SLC22A14: variants seen among roughly 807,000 people sequenced by gnomAD.
SLC22A14 encodes the protein organic cation transporter-like 4.
Under a neutral mutation model 53.9 loss-of-function variants are expected in SLC22A14, and 50 were observed. That is an observed-to-expected ratio of 0.93 (90% confidence interval 0.74 to 1.17). The LOEUF (loss-of-function observed/expected upper bound fraction) is 1.17. Ranked by LOEUF, SLC22A14 falls within the 50% of genes most tolerant of loss-of-function variation. SLC22A14 has a pLI of 0.00. For synonymous variants in SLC22A14, 312 were observed against 303.0 expected, an observed-to-expected ratio of 1.03 and a Z score of -0.31; for missense variants, 671 against 734.7, an observed-to-expected ratio of 0.91 and a Z score of 1.00.
At chr3:38,293,782 C>T (rs1366682986) in intron 1 of SLC22A14, among the ~76,000 whole-genome samples, 3 of 152,206 alleles carry the variant, frequency 2.0e-5, no homozygotes, top group Non-Finnish European at 4.4e-5. Context: ...TGGGAACTGC[C>T]TGCTGGCCTG....
chr3:38,317,087 G>T (rs917035406), intron 10 of SLC22A14, among the ~76,000 whole-genome samples: 9 of 152,212 alleles, frequency 5.9e-5, no homozygotes, highest in Admixed American at 5.2e-4. Context: ...GTCATGATTG[G>T]CAGGACCATT....
intron 1 of SLC22A14, among the ~76,000 whole-genome samples, chr3:38,283,336 CG>C (rs908571145): frequency 3.3e-5 from 5 of 151,982 alleles, no homozygotes; most frequent in East Asian, 1.9e-4. Flanking sequence ...TAGATCTCTC[CG>C]GGGGGCGCTT....
At chr3:38,296,023 T>C (rs373481444) in intron 1 of SLC22A14, among the ~76,000 whole-genome samples, 1 of 152,144 alleles carries the variant, frequency 6.6e-6, no homozygotes, top group African/African-American at 2.4e-5. Context: ...GAGATACAAC[T>C]TGCTAGAGGA....
intron 5 of SLC22A14, among the ~76,000 whole-genome samples, chr3:38,309,577 A>G (rs1704411586): frequency 6.6e-6 from 1 of 152,232 alleles, no homozygotes; most frequent in South Asian, 2.1e-4. Flanking sequence ...TATATGGGCA[A>G]CTAAGACAGA....
intron 1 of SLC22A14, among the ~76,000 whole-genome samples, chr3:38,296,857 C>T (rs1166668621): frequency 8.5e-5 from 13 of 152,248 alleles, no homozygotes; most frequent in East Asian, 1.9e-4. Context: ...ATGGGCACCT[C>T]GCTGGATCAG....
At position 38,306,486 on chromosome 3, in the gene SLC22A14, A is replaced by T. The variant is rs1704309806; in HGVS notation, c.460A>T (p.Thr154Ser). Residue 154 changes from threonine to serine, a missense_variant, in exon 2 of 11, where the codon ACA (threonine) becomes TCA (serine). Thr to Ser is a moderately conservative substitution (Grantham distance 58). Coordinates refer to ENST00000448498, the MANE Select transcript of SLC22A14 (RefSeq NM_001320033.2). ...CCAGTTTGGCCTCAATGACACAGAC[A>T]CATGCCAAGATGGGTGGATCTATCC... ...IIQFGLNDTD[T>S]CQDGWIYPDA... 1 of 1,614,040 alleles carries T rather than the reference A, an allele frequency of 6.2e-7. No homozygotes were observed. Among genetic ancestry groups the T allele is most frequent in the Non-Finnish European group, 8.5e-7 (1 of 1,180,018 alleles).
intron 1 of SLC22A14, among the ~76,000 whole-genome samples, chr3:38,283,418 T>C (rs1703717528): frequency 6.6e-6 from 1 of 152,098 alleles, no homozygotes. Flanking sequence ...CTGCCTCTTA[T>C]GCACCTCCAA....
At chr3:38,285,892 C>T (rs1237166737) in intron 1 of SLC22A14, among the ~76,000 whole-genome samples, 1 of 152,132 alleles carries the variant, frequency 6.6e-6, no homozygotes, top group Non-Finnish European at 1.5e-5. Flanking sequence ...AATAATTCTG[C>T]CAGGAATGTA....
chr3:38,280,730 A>G (rs1424879428), upstream of SLC22A14, among the ~76,000 whole-genome samples: 2 of 152,024 alleles, frequency 1.3e-5, no homozygotes, highest in African/African-American at 4.8e-5. Context: ...CCTGGGTTCA[A>G]GCGATTCTCT....
chr3:38,285,874 G>A (rs1037819105), intron 1 of SLC22A14, among the ~76,000 whole-genome samples: 1 of 152,134 alleles, frequency 6.6e-6, no homozygotes, highest in African/African-American at 2.4e-5. Flanking sequence ...TTCCAAAGTG[G>A]GTCTATGAAT....
intron 1 of SLC22A14, among the ~76,000 whole-genome samples, chr3:38,298,858 C>G (rs950467561): frequency 6.6e-6 from 1 of 152,036 alleles, no homozygotes; most frequent in African/African-American, 2.4e-5. Context: ...CCCAGCTTCC[C>G]CTGTCCTTTA....
At chr3:38,308,266 AAGG>A (rs1317806890) in intron 4 of SLC22A14, 2 of 162,876 alleles carry the variant, frequency 1.2e-5, no homozygotes, top group Non-Finnish European at 2.7e-5. Context: ...GAAGAAGAAG[AAGG>A]AGAAGGAGAA....
intron 1 of SLC22A14, among the ~76,000 whole-genome samples, chr3:38,298,488 A>G (rs1053705404): frequency 1.3e-5 from 2 of 150,922 alleles, no homozygotes; most frequent in Non-Finnish European, 3.0e-5. Flanking sequence ...TCTATCTATC[A>G]TGAGTTCATT....
At chr3:38,295,520 G>A (rs183899389) in intron 1 of SLC22A14, among the ~76,000 whole-genome samples, 74 of 150,150 alleles carry the variant, frequency 4.9e-4, no homozygotes, top group Middle Eastern at 3.4e-3. Context: ...GTTTTTTTCA[G>A]GTTACGTCCT....
intron 1 of SLC22A14, among the ~76,000 whole-genome samples, chr3:38,302,250 A>G (rs989754765): frequency 5.1e-5 from 5 of 98,434 alleles, no homozygotes; most frequent in African/African-American, 1.7e-4. Flanking sequence ...AAAAAAGTAT[A>G]TATATATACA....
At chr3:38,282,457 T>A (rs1444242) in intron 1 of SLC22A14, 118 bp downstream of exon 1, 6,153 of 152,486 alleles carry the variant, frequency 0.04, 332 homozygotes, top group African/African-American at 0.12. Flanking sequence ...AGCACAGGTG[T>A]GGACAGGAGC....
intron 6 of SLC22A14, 23 bp from the exon 7 acceptor site, chr3:38,313,365 G>C: frequency 6.3e-7 from 1 of 1,586,030 alleles, no homozygotes; most frequent in East Asian, 2.3e-5. Context: ...CCCTGCCTCT[G>C]ACTGGTCCTG....
chr3:38,315,188 G>T (rs1208160839), intron 8 of SLC22A14, among the ~76,000 whole-genome samples: 1 of 152,244 alleles, frequency 6.6e-6, no homozygotes, highest in African/African-American at 2.4e-5. Flanking sequence ...CCTGAGCAGG[G>T]GTCCCAACCC....
chr3:38,290,682 C>G (rs562996001), intron 1 of SLC22A14, among the ~76,000 whole-genome samples: 80 of 152,320 alleles, frequency 5.3e-4, no homozygotes, highest in African/African-American at 1.8e-3. Flanking sequence ...TTTCCTTCTT[C>G]GTTGGCTAGC....
Sources: allele counts gnomAD v4.1 joint callset (sites outside exome capture counted in the v4.1 genomes callset), GRCh38; gene constraint gnomAD v4.1.1; transcripts MANE v1.5; gene names NCBI Gene and HGNC (gene_info 2026-07-23, HGNC 2026-07-21).